Variants in OIT3 observed in about 807,000 individuals in gnomAD.
OIT3 encodes the protein oncoprotein induced transcript 3.
OIT3 carries 41 observed loss-of-function variants against 52.2 expected under a neutral mutation model. That is an observed-to-expected ratio of 0.79 (90% CI 0.61 to 1.02). The LOEUF is 1.02. OIT3 is among the 50% of genes least tolerant of loss of function. The pLI, the probability that OIT3 is intolerant of heterozygous loss-of-function variation, is 0.00. For missense variants in OIT3, 634 were observed against 715.5 expected (o/e 0.89, Z 1.30); for synonymous variants, 244 against 276.9 (o/e 0.88, Z 1.18).
intron 6 of OIT3, chr10:72,918,332 T>G: frequency 1.3e-6 from 1 of 768,862 alleles, no homozygotes; most frequent in Non-Finnish European, 2.4e-6. Context: ...TTGGACTGCC[T>G]TCGTAATTCA....
rs369811217 is a variant in OIT3, at chr10:72,908,217, T to TG, written c.667+1501dup. Among the ~76,000 whole-genome samples the TG allele has an allele frequency of 3.0e-3, 451 of 152,094 alleles. 3 individuals are homozygous for TG. Among genetic ancestry groups the TG allele is most frequent in the African/African-American group, 0.01 (419 of 41,464 alleles). On this transcript the variant is annotated intron_variant, in intron 4 of 8. Transcript: ENST00000334011. ...AAGATAGCGCCACTGCACTCCAGCC[T>TG]GGTGACAAAGAGAGACTCCAGCTAA... is the stretch of plus-strand genomic sequence containing the variant.
intron 1 of OIT3, among the ~76,000 whole-genome samples, chr10:72,896,821 C>T (rs554119393): frequency 4.6e-5 from 7 of 152,262 alleles, no homozygotes; most frequent in African/African-American, 1.7e-4. Context: ...CGTAAGTCAA[C>T]CTCATGTGCA....
At chr10:72,919,206 G>A (rs140148376) in intron 6 of OIT3, among the ~76,000 whole-genome samples, 119 of 151,806 alleles carry the variant, frequency 7.8e-4, no homozygotes, top group African/African-American at 2.4e-3. Context: ...TATTCTTTTC[G>A]TGGCAATTGT....
intron 7 of OIT3, among the ~76,000 whole-genome samples, chr10:72,930,302 C>T (rs1294801811): frequency 6.6e-6 from 1 of 152,172 alleles, no homozygotes; most frequent in East Asian, 1.9e-4. Flanking sequence ...AGCCCTGGTG[C>T]CCAGTTTGTG....
At chr10:72,904,860 G>A (rs1416480046) in intron 3 of OIT3, among the ~76,000 whole-genome samples, 1 of 152,124 alleles carries the variant, frequency 6.6e-6, no homozygotes, top group Non-Finnish European at 1.5e-5. Flanking sequence ...CCTGAGGCTG[G>A]GTAATTTATA....
chr10:72,906,532 C>CG (rs1219168756), intron 3 of OIT3, 64 bp from the exon 4 acceptor site: 48 of 1,594,294 alleles, frequency 3.0e-5, no homozygotes, highest in African/African-American at 4.0e-5. Context: ...AAATTCTGCC[C>CG]GGGGGGTTGG....
At chr10:72,913,162 T>G (rs1846044112) in intron 5 of OIT3, 146 bp from the exon 6 acceptor site, 2 of 595,810 alleles carry the variant, frequency 3.4e-6, no homozygotes, top group African/African-American at 3.6e-5. Context: ...ATAGTGGTTT[T>G]ATTCACCAAC....
chr10:72,905,659 T>TAA (rs1845972441), intron 3 of OIT3, among the ~76,000 whole-genome samples: 1 of 152,172 alleles, frequency 6.6e-6, no homozygotes, highest in Non-Finnish European at 1.5e-5. Flanking sequence ...GTGGGAAGTG[T>TAA]AAAACCGTAC....
At position 72,932,475 on chromosome 10, in the gene OIT3, A is replaced by C; in HGVS notation, c.1589A>C (p.Gln530Pro). The change falls in exon 9 of 9, where the codon CAG becomes CCG. Residue 530 changes from glutamine (Q) to proline (P), a missense_variant. Transcript: ENST00000334011. The stretch of plus-strand genomic sequence containing the variant: ...GGAGGAGAGGACTCAGCCGGTCTAC[A>C]GGGCCAGACGCTAACAGGCGGCCCG... ...GAGGEDSAGL[Q>P]GQTLTGGPIR... 1 of 1,613,842 alleles carries C rather than the reference A, an allele frequency of 6.2e-7. No individual in the cohort carries two copies. The highest frequency in any genetic ancestry group is 8.5e-7 in the Non-Finnish European group (1 of 1,179,898).
intron 6 of OIT3, among the ~76,000 whole-genome samples, chr10:72,916,601 C>G (rs1846075179): frequency 6.6e-6 from 1 of 152,150 alleles, no homozygotes; most frequent in Non-Finnish European, 1.5e-5. Flanking sequence ...GATTCCATGT[C>G]TTTGCTCTTG....
intron 6 of OIT3, chr10:72,918,418 G>A (rs765638919): frequency 1.5e-5 from 12 of 788,088 alleles, no homozygotes; most frequent in Non-Finnish European, 1.8e-5. Context: ...GATAACTGGT[G>A]CTCATCTTCA....
intron 1 of OIT3, among the ~76,000 whole-genome samples, chr10:72,898,411 A>G (rs1845896223): frequency 6.6e-6 from 1 of 152,232 alleles, no homozygotes; most frequent in African/African-American, 2.4e-5. Flanking sequence ...CTTCTATCAA[A>G]TAATTACTCT....
chr10:72,907,714 G>C (rs1008349290), intron 4 of OIT3, among the ~76,000 whole-genome samples: 8 of 152,054 alleles, frequency 5.3e-5, no homozygotes, highest in African/African-American at 1.7e-4. Flanking sequence ...TTGTGTTTAT[G>C]GGAGAGGAAT....
In OIT3 at chr10:72,894,316, T is replaced by G. The variant is rs77262929; in HGVS notation, c.61+457T>G. On this transcript the variant is annotated intron_variant, in intron 1 of 8. Coordinates refer to ENST00000334011, the MANE Select transcript of OIT3 (RefSeq NM_152635.3). ...GTCTTTATGTCAGAAAATAAGACTT[T>G]TTGCACAGATCGAGTGAATCTTAAA... is the stretch of plus-strand genomic sequence containing the variant. Among the ~76,000 whole-genome samples, 1,163 of 152,316 alleles carry G rather than the reference T, an allele frequency of 7.6e-3. 17 individuals are homozygous for G. Among genetic ancestry groups the G allele is most frequent in the African/African-American group, 0.026 (1,100 of 41,574 alleles).
At chr10:72,902,573 T>TGGATTTATAAAGG (rs1240392916) in intron 3 of OIT3, among the ~76,000 whole-genome samples, 2 of 152,206 alleles carry the variant, frequency 1.3e-5, no homozygotes, top group African/African-American at 4.8e-5. Context: ...TACCCAAGCC[T>TGGATTTATAAAGG]GGATTTATAA....
chr10:72,906,859 A>G, intron 4 of OIT3, 141 bp downstream of exon 4: 2 of 732,852 alleles, frequency 2.7e-6, no homozygotes, highest in Non-Finnish European at 4.3e-6. Context: ...GCGTTCATCA[A>G]CATTGAGAAT....
intron 3 of OIT3, among the ~76,000 whole-genome samples, chr10:72,906,121 A>G (rs1845976786): frequency 6.6e-6 from 1 of 152,244 alleles, no homozygotes; most frequent in Admixed American, 6.5e-5. Context: ...CTAATTTAAA[A>G]AACAGATTTT....
intron 6 of OIT3, among the ~76,000 whole-genome samples, chr10:72,915,135 G>T (rs567493786): frequency 3.3e-5 from 5 of 152,194 alleles, no homozygotes; most frequent in African/African-American, 9.6e-5. Flanking sequence ...CAAAGTGCTG[G>T]GATTATAGGT....
chr10:72,906,543 G>A, intron 3 of OIT3, 53 bp from the exon 4 acceptor site: 1 of 1,607,422 alleles, frequency 6.2e-7, no homozygotes, highest in South Asian at 1.1e-5. Context: ...GGGGGGTTGG[G>A]AAAAGGCTGA....
Sources: gnomAD v4.1 joint callset for allele counts (sites outside exome capture counted in the v4.1 genomes callset) on GRCh38, gnomAD v4.1.1 for gene constraint, MANE v1.5 for transcripts, NCBI Gene and HGNC (gene_info 2026-07-23, HGNC 2026-07-21) for gene names.